Variants in SPAG16 observed in about 807,000 individuals in gnomAD.
SPAG16 encodes sperm associated antigen 16.
Under a neutral mutation model 80.4 loss-of-function variants are expected in SPAG16, and 86 were observed. That is an observed-to-expected ratio of 1.07 (90% CI 0.90 to 1.28). The LOEUF (loss-of-function observed/expected upper bound fraction) is 1.28, where lower values mean the gene tolerates loss of function less well. SPAG16 is among the 50% of genes most tolerant of loss of function. The probability of loss-of-function intolerance (pLI) is 0.00; values close to 1 mark genes in which losing one functional copy is unlikely to be tolerated. For missense variants in SPAG16, 870 were observed against 765.3 expected (o/e 1.14, Z -1.61); for synonymous variants, 294 against 265.9 (o/e 1.11, Z -1.03).
At chr2:213,588,808 C>CAA (rs59813410) in intron 10 of SPAG16, among the ~76,000 whole-genome samples, 1,875 of 28,980 alleles carry the variant, frequency 0.065, 700 homozygotes, top group Middle Eastern at 0.12. Context: ...GACTCCGTCT[C>CAA]AAAAAAAAAA....
At chr2:213,460,404 C>G (rs1372052873) in intron 9 of SPAG16, among the ~76,000 whole-genome samples, 1 of 152,154 alleles carries the variant, frequency 6.6e-6, no homozygotes, top group South Asian at 2.1e-4. Flanking sequence ...CATACCAGGG[C>G]CTCTACCCCT....
intron 9 of SPAG16, among the ~76,000 whole-genome samples, chr2:213,427,897 T>C (rs1032312767): frequency 6.6e-6 from 1 of 150,716 alleles, no homozygotes; most frequent in East Asian, 2.0e-4. Flanking sequence ...CTTTGATGGA[T>C]ATATAATTAA....
At chr2:214,355,813 C>T (rs1180974172) in intron 15 of SPAG16, among the ~76,000 whole-genome samples, 1 of 151,394 alleles carries the variant, frequency 6.6e-6, no homozygotes, top group Non-Finnish European at 1.5e-5. Context: ...GAAAATGTGG[C>T]ACATATACAC....
intron 9 of SPAG16, among the ~76,000 whole-genome samples, chr2:213,473,406 T>C (rs1280769266): frequency 6.6e-6 from 1 of 152,188 alleles, no homozygotes; most frequent in Non-Finnish European, 1.5e-5. Flanking sequence ...ATTACAGGGC[T>C]CTTCAAAGAT....
chr2:214,130,230 G>T (rs542030197), intron 14 of SPAG16, among the ~76,000 whole-genome samples: 1 of 152,144 alleles, frequency 6.6e-6, no homozygotes, highest in African/African-American at 2.4e-5. Context: ...TTTGAGGGTC[G>T]TGGCCACAGT....
intron 10 of SPAG16, among the ~76,000 whole-genome samples, chr2:213,801,003 A>G (rs1052054546): frequency 7.2e-5 from 11 of 152,312 alleles, no homozygotes; most frequent in African/African-American, 2.6e-4. Context: ...TTGATATCCC[A>G]TCATTATCAC....
chr2:213,592,608 C>A (rs758546970), intron 10 of SPAG16, among the ~76,000 whole-genome samples: 1 of 152,112 alleles, frequency 6.6e-6, no homozygotes, highest in South Asian at 2.1e-4. Flanking sequence ...TCCTTAGTCC[C>A]TTTTAGCAGT....
intron 10 of SPAG16, among the ~76,000 whole-genome samples, chr2:213,756,822 A>G (rs1408592370): frequency 6.6e-6 from 1 of 152,180 alleles, no homozygotes; most frequent in Non-Finnish European, 1.5e-5. Flanking sequence ...AAATGATGTA[A>G]TAACTGTTAT....
intron 12 of SPAG16, among the ~76,000 whole-genome samples, chr2:213,982,562 C>G (rs2045804600): frequency 6.6e-6 from 1 of 150,504 alleles, no homozygotes; most frequent in African/African-American, 2.4e-5. Flanking sequence ...ATATCTTCTA[C>G]TATAGAAAAC....
chr2:214,122,511 T>C (rs1398104625), intron 14 of SPAG16, among the ~76,000 whole-genome samples: 1 of 151,864 alleles, frequency 6.6e-6, no homozygotes, highest in African/African-American at 2.4e-5. Context: ...ATTTCTGATT[T>C]CTCAATTTTG....
intron 15 of SPAG16, 43 bp downstream of exon 15, chr2:214,149,309 A>G: frequency 7.0e-7 from 1 of 1,427,192 alleles, no homozygotes; most frequent in Non-Finnish European, 9.3e-7. Context: ...AGCCAATAAC[A>G]TTAATATTTG....
chr2:214,121,602 G>A (rs1246168667), intron 14 of SPAG16, among the ~76,000 whole-genome samples: 1 of 151,806 alleles, frequency 6.6e-6, no homozygotes, highest in African/African-American at 2.4e-5. Flanking sequence ...ATAGTGCTTA[G>A]TAACTAGAAG....
chr2:213,903,983 C>T (rs1325042633), intron 11 of SPAG16, among the ~76,000 whole-genome samples: 1 of 152,140 alleles, frequency 6.6e-6, no homozygotes, highest in African/African-American at 2.4e-5. Context: ...TCCAGTTCCC[C>T]ACAAGTTCCT....
At chr2:213,721,988 G>A (rs1031678653) in intron 10 of SPAG16, among the ~76,000 whole-genome samples, 3 of 152,066 alleles carry the variant, frequency 2.0e-5, no homozygotes, top group African/African-American at 2.4e-5. Flanking sequence ...TGTTTATAAC[G>A]GGTAAGATTT....
At chr2:213,808,595 CAAAAG>C (rs2071921657) in intron 10 of SPAG16, among the ~76,000 whole-genome samples, 2 of 151,944 alleles carry the variant, frequency 1.3e-5, no homozygotes, top group African/African-American at 4.8e-5. Context: ...CAGTGGGAAA[CAAAAG>C]AAAGCAATAT....
chr2:213,489,510 A>C (rs1470611854), intron 9 of SPAG16, among the ~76,000 whole-genome samples: 1 of 152,080 alleles, frequency 6.6e-6, no homozygotes, highest in Non-Finnish European at 1.5e-5. Context: ...AATCATAATC[A>C]ATCAATTAGC....
intron 15 of SPAG16, among the ~76,000 whole-genome samples, chr2:214,307,104 C>T (rs572584663): frequency 6.6e-6 from 1 of 152,122 alleles, no homozygotes; most frequent in East Asian, 1.9e-4. Flanking sequence ...CTTCCTGGCT[C>T]AGTCTCGGGA....
chr2:214,303,312 G>A (rs1212634117), intron 15 of SPAG16, among the ~76,000 whole-genome samples: 2 of 152,154 alleles, frequency 1.3e-5, no homozygotes, highest in African/African-American at 4.8e-5. Context: ...TTGCAGGGCT[G>A]TTCTAGTGTT....
chr2:213,855,683 C>T (rs2075123013), intron 10 of SPAG16, among the ~76,000 whole-genome samples: 1 of 152,188 alleles, frequency 6.6e-6, no homozygotes, highest in African/African-American at 2.4e-5. Context: ...GGCACCCCTT[C>T]ACAGGGCATC....
Sources: gnomAD v4.1 joint callset for allele counts (sites outside exome capture counted in the v4.1 genomes callset) on GRCh38, gnomAD v4.1.1 for gene constraint, MANE v1.5 for transcripts, NCBI Gene and HGNC (gene_info 2026-07-23, HGNC 2026-07-21) for gene names.